The following CSDE1 variants were observed in gnomAD, a reference collection of about 807,000 sequenced individuals.
CSDE1 encodes cold shock domain-containing protein E1.
CSDE1 carries 17 observed loss-of-function variants against 89.3 expected under a neutral mutation model. That is an observed-to-expected ratio of 0.19 (90% CI 0.13 to 0.29). The LOEUF is 0.29. Ranked by LOEUF, CSDE1 falls within the 10% of genes least tolerant of loss-of-function variation. The pLI is 1.00. For missense variants in CSDE1, 672 were observed against 984.2 expected (o/e 0.68, Z 4.24); for synonymous variants, 322 against 332.8 (o/e 0.97, Z 0.35).
At chr1:114,749,609 T>C (rs1341072717) in intron 2 of CSDE1, among the ~76,000 whole-genome samples, 1 of 152,226 alleles carries the variant, frequency 6.6e-6, no homozygotes, top group African/African-American at 2.4e-5. Flanking sequence ...GAGATCAGCA[T>C]GTATTAATAT....
intron 6 of CSDE1, among the ~76,000 whole-genome samples, 161 bp downstream of exon 6, chr1:114,736,597 T>A (rs1660414524): frequency 1.4e-5 from 2 of 147,204 alleles, no homozygotes; most frequent in Non-Finnish European, 1.5e-5. Flanking sequence ...ATCATGGCTG[T>A]AATACAATAT....
intron 10 of CSDE1, among the ~76,000 whole-genome samples, chr1:114,732,022 C>T (rs986267974): frequency 3.3e-5 from 5 of 150,698 alleles, no homozygotes; most frequent in Admixed American, 3.3e-4. Flanking sequence ...ACCATGTTGG[C>T]CAGGCTGGTC....
chr1:114,724,159 G>T (rs1659676339), intron 15 of CSDE1, 157 bp from the exon 16 acceptor site: 6 of 601,166 alleles, frequency 1.0e-5, no homozygotes, highest in African/African-American at 3.8e-5. Flanking sequence ...TCTATTTTTA[G>T]AACAGCTGCT....
At chr1:114,754,423 T>C (rs1325864754) in intron 1 of CSDE1, among the ~76,000 whole-genome samples, 1 of 152,248 alleles carries the variant, frequency 6.6e-6, no homozygotes, top group Non-Finnish European at 1.5e-5. Context: ...ATCTAAAATG[T>C]ATCACACTAC....
intron 10 of CSDE1, among the ~76,000 whole-genome samples, chr1:114,732,275 G>C (rs1353613511): frequency 6.6e-6 from 1 of 152,102 alleles, no homozygotes; most frequent in Non-Finnish European, 1.5e-5. Context: ...AATGTCTTAG[G>C]AAATAGTTTG....
At chr1:114,757,191 A>AGG (rs1661648304) in intron 1 of CSDE1, among the ~76,000 whole-genome samples, 1 of 152,150 alleles carries the variant, frequency 6.6e-6, no homozygotes, top group South Asian at 2.1e-4. Context: ...GGAGACAATG[A>AGG]GGGGAAGGTT....
Position 114,744,453 on chromosome 1 carries a change from C to T in CSDE1, c.1-4563G>A, listed in dbSNP as rs147566594. Among the ~76,000 whole-genome samples the T allele has an allele frequency of 4.6e-3, 707 of 152,094 alleles. 3 individuals carry two copies. Among genetic ancestry groups the T allele is most frequent in the Non-Finnish European group, 8.4e-3 (574 of 67,972 alleles). Reference sequence around the variant, plus strand: ...AAAATTAGCCAAAATTAGCTGGATGCCTATAGTTCCAGCTACTCAAGAGGC... The same window carrying T: ...AAAATTAGCCAAAATTAGCTGGATGTCTATAGTTCCAGCTACTCAAGAGGC... On this transcript the variant is annotated intron_variant, in intron 2 of 19. Transcript: ENST00000358528.
chr1:114,722,028 C>T (rs1659553950), intron 16 of CSDE1, among the ~76,000 whole-genome samples: 1 of 151,664 alleles, frequency 6.6e-6, no homozygotes, highest in South Asian at 2.1e-4. Context: ...ATTATAGGCA[C>T]CCACCATGAT....
chr1:114,721,972 C>T (rs892741975), intron 16 of CSDE1, among the ~76,000 whole-genome samples: 1 of 151,540 alleles, frequency 6.6e-6, no homozygotes, highest in South Asian at 2.1e-4. Context: ...ACTTCCGCCT[C>T]CCAGGTTCAA....
rs1310787302 is a variant in CSDE1 at position 114,719,361 on chromosome 1, TA to T, written c.2216+217del. 2.6e-5 allele frequency among the ~76,000 whole-genome samples: 4 copies of T among 152,274 alleles called. No homozygotes were observed. In the East Asian group the frequency reaches 7.7e-4, roughly 29 times the overall value. On this transcript the variant is annotated intron_variant, in intron 18 of 19. Transcript: ENST00000358528. ...TAAACTATTAGAATTTTAAGTAGCATATAACCTAGAAATGACTTAATGGAAG... is the reference window on the plus strand; with the variant it reads ...TAAACTATTAGAATTTTAAGTAGCATTAACCTAGAAATGACTTAATGGAAG...
rs752857836 is a variant in CSDE1, at chr1:114,736,805, C to G, written c.453G>C (p.Gln151His). Residue 151 changes from glutamine to histidine, a missense_variant, in exon 6 of 20, where the codon CAG becomes CAC. Physicochemically the swap from Gln to His is conservative, Grantham distance 24. Transcript: ENST00000358528. ...YTPEDVEGNV[Q>H]LETGDKINFV... The stretch of plus-strand genomic sequence containing the variant: ...AGTTTATTTTATCTCCAGTTTCCAG[C>G]TGAACGTTCCCTTCGACATCTTCAG... 1 of 1,613,114 alleles carries G rather than the reference C, an allele frequency of 6.2e-7. No homozygotes were observed. The highest frequency in any genetic ancestry group is 1.3e-5 in the African/African-American group (1 of 74,888).
intron 9 of CSDE1, among the ~76,000 whole-genome samples, 192 bp downstream of exon 9, chr1:114,733,540 A>C (rs927895766): frequency 6.2e-4 from 95 of 152,050 alleles, no homozygotes; most frequent in African/African-American, 2.2e-3. Flanking sequence ...AAGAAAAAAA[A>C]AAAAAAAAAC....
At chr1:114,736,722 C>G (rs746852042) in intron 6 of CSDE1, 36 bp downstream of exon 6, 114 of 1,404,616 alleles carry the variant, frequency 8.1e-5, no homozygotes, top group Admixed American at 1.2e-4. Context: ...AAAAAAAAAC[C>G]GCTTAGGTGA....
At chr1:114,724,971 A>G (rs931721257) in intron 15 of CSDE1, among the ~76,000 whole-genome samples, 1 of 152,206 alleles carries the variant, frequency 6.6e-6, no homozygotes, top group Non-Finnish European at 1.5e-5. Flanking sequence ...ATCCTTCTCA[A>G]ACTTCAGTGT....
chr1:114,754,695 C>T (rs987492562), intron 1 of CSDE1, among the ~76,000 whole-genome samples: 1 of 152,128 alleles, frequency 6.6e-6, no homozygotes, highest in African/African-American at 2.4e-5. Flanking sequence ...CTAAGGTAAA[C>T]GATAAACTCT....
intron 13 of CSDE1, 119 bp from the exon 14 acceptor site, chr1:114,726,505 A>T: frequency 1.4e-6 from 1 of 734,890 alleles, no homozygotes; most frequent in Non-Finnish European, 2.1e-6. Flanking sequence ...ATCCTTTGTT[A>T]TTACTTCAAT....
chr1:114,719,485 G>T, intron 18 of CSDE1, 94 bp downstream of exon 18: 1 of 1,228,434 alleles, frequency 8.1e-7, no homozygotes, highest in South Asian at 1.6e-5. Flanking sequence ...AGTGGCAGAA[G>T]ACAAGGCACA....
At chr1:114,735,930 G>A (rs756711055) in intron 6 of CSDE1, among the ~76,000 whole-genome samples, 6 of 152,040 alleles carry the variant, frequency 3.9e-5, no homozygotes, top group Non-Finnish European at 7.4e-5. Flanking sequence ...ACACGCAACT[G>A]TAGATTTGAT....
intron 9 of CSDE1, among the ~76,000 whole-genome samples, chr1:114,733,240 A>C (rs777194770): frequency 6.6e-6 from 1 of 152,108 alleles, no homozygotes; most frequent in African/African-American, 2.4e-5. Flanking sequence ...AAAAAAATAC[A>C]TATTTGGCTG....
Sources: allele counts gnomAD v4.1 joint callset (sites outside exome capture counted in the v4.1 genomes callset), GRCh38; gene constraint gnomAD v4.1.1; transcripts MANE v1.5; gene names NCBI Gene and HGNC (gene_info 2026-07-23, HGNC 2026-07-21).